Variants in DOCK4 observed in about 807,000 individuals in gnomAD.
DOCK4 encodes the protein dedicator of cytokinesis 4.
DOCK4 carries 97 observed loss-of-function variants against 268.1 expected under a neutral mutation model. The observed-to-expected ratio is 0.36, with a 90% CI of 0.31 to 0.43. DOCK4 has a LOEUF of 0.43. DOCK4 is among the 20% of genes least tolerant of loss of function. The pLI, the probability that DOCK4 is intolerant of heterozygous loss-of-function variation, is 1.00. For missense variants in DOCK4, 2,145 were observed against 2,455.7 expected (o/e 0.87, Z 2.67); for synonymous variants, 954 against 887.2 (o/e 1.08, Z -1.34).
At chr7:112,133,776 A>G (rs1249310414) in intron 1 of DOCK4, among the ~76,000 whole-genome samples, 1 of 152,198 alleles carries the variant, frequency 6.6e-6, no homozygotes, top group East Asian at 1.9e-4. Context: ...GGCTCTTTGG[A>G]TGTACGGTTA....
chr7:111,970,576 T>C (rs1797630608), intron 8 of DOCK4, among the ~76,000 whole-genome samples: 1 of 152,176 alleles, frequency 6.6e-6, no homozygotes, highest in African/African-American at 2.4e-5. Context: ...CCATAAACTT[T>C]CAACCAGATA....
At chr7:112,122,439 C>A (rs1482936335) in intron 1 of DOCK4, among the ~76,000 whole-genome samples, 1 of 151,976 alleles carries the variant, frequency 6.6e-6, no homozygotes, top group Non-Finnish European at 1.5e-5. Flanking sequence ...TCTTCTTCTT[C>A]TTATTTTTAA....
chr7:112,165,560 G>GCGCGCA (rs1817540303), intron 1 of DOCK4, among the ~76,000 whole-genome samples: 1 of 63,144 alleles, frequency 1.6e-5, no homozygotes. Context: ...GTGTGTGTGT[G>GCGCGCA]CGTGTGTGTG....
intron 44 of DOCK4, among the ~76,000 whole-genome samples, chr7:111,744,653 T>C (rs1439490451): frequency 6.6e-6 from 1 of 152,208 alleles, no homozygotes; most frequent in Non-Finnish European, 1.5e-5. Context: ...GAGTGAACCA[T>C]TCATAAGAGG....
rs537415400 is a variant in DOCK4 at position 111,887,843 on chromosome 7, AT to A, written c.1587+7768del. Among the ~76,000 whole-genome samples the A allele has an allele frequency of 4.9e-3, 744 of 151,656 alleles. 10 individuals are homozygous for A. Among genetic ancestry groups the A allele is most frequent in the African/African-American group, 0.017 (710 of 41,204 alleles). ...GAGATGCAGGAGGAAGAGAGAGGAC[AT>A]TGGGAGGGGCAGGGTCCCAGAAGAG... On this transcript the variant is annotated intron_variant, in intron 16 of 52. Coordinates refer to ENST00000428084, the MANE Select transcript of DOCK4 (RefSeq NM_001363540.2).
intron 8 of DOCK4, among the ~76,000 whole-genome samples, chr7:111,975,948 G>A: frequency 6.6e-6 from 1 of 150,956 alleles, no homozygotes; most frequent in Non-Finnish European, 1.5e-5. Flanking sequence ...CGGATCATCT[G>A]AGGTCAGGAG....
Position 111,739,495 on chromosome 7 carries a change from G to A in DOCK4, c.5041-18C>T. On this transcript the variant is annotated intron_variant, in intron 47 of 52. Coordinates refer to ENST00000428084, the MANE Select transcript of DOCK4 (RefSeq NM_001363540.2). ...GGACTTGGCTGGAAACACACAGGGAGCTATTATCATACCCTGATTAAAGGC... is the reference window on the plus strand; with the variant it reads ...GGACTTGGCTGGAAACACACAGGGAACTATTATCATACCCTGATTAAAGGC... The A allele has an allele frequency of 6.4e-7, 1 of 1,553,422 alleles. No homozygotes were observed. Among genetic ancestry groups the A allele is most frequent in the Non-Finnish European group, 8.7e-7 (1 of 1,146,684 alleles).
intron 1 of DOCK4, among the ~76,000 whole-genome samples, chr7:112,064,441 C>CA (rs2135617869): frequency 6.6e-6 from 1 of 152,212 alleles, no homozygotes; most frequent in Non-Finnish European, 1.5e-5. Flanking sequence ...GCCAGGGGAG[C>CA]AAAAAATTTA....
chr7:111,973,795 T>C (rs888783289), intron 8 of DOCK4, among the ~76,000 whole-genome samples: 4 of 152,158 alleles, frequency 2.6e-5, no homozygotes, highest in Non-Finnish European at 4.4e-5. Flanking sequence ...CTTTTGTTGA[T>C]AGTTGTTGAA....
At chr7:111,741,893 TA>T in intron 45 of DOCK4, 119 bp downstream of exon 45, 1 of 1,377,804 alleles carries the variant, frequency 7.3e-7, no homozygotes, top group Non-Finnish European at 9.7e-7. Context: ...GGCTCCCTGG[TA>T]AAACAGTGCA....
intron 1 of DOCK4, among the ~76,000 whole-genome samples, chr7:112,118,374 C>T (rs1812374771): frequency 6.6e-6 from 1 of 152,064 alleles, no homozygotes; most frequent in African/African-American, 2.4e-5. Context: ...AAATGAAAAT[C>T]ATTCAAAAGA....
intron 1 of DOCK4, among the ~76,000 whole-genome samples, chr7:112,134,954 T>C (rs545347051): frequency 2.6e-5 from 4 of 152,206 alleles, no homozygotes; most frequent in African/African-American, 9.6e-5. Context: ...TATTCACCTA[T>C]GATTGCTATA....
chr7:111,919,854 G>A (rs1792953543), intron 12 of DOCK4, among the ~76,000 whole-genome samples: 1 of 152,066 alleles, frequency 6.6e-6, no homozygotes, highest in African/African-American at 2.4e-5. Flanking sequence ...AGTCCACAGG[G>A]ACCAGACCAC....
intron 16 of DOCK4, among the ~76,000 whole-genome samples, chr7:111,879,055 G>A (rs960151547): frequency 2.0e-5 from 3 of 151,956 alleles, no homozygotes; most frequent in Non-Finnish European, 4.4e-5. Context: ...GCAGCTTGCA[G>A]CAACAAAAGT....
At chr7:111,897,254 A>T (rs7787215) in intron 15 of DOCK4, among the ~76,000 whole-genome samples, 75,082 of 151,872 alleles carry the variant, frequency 0.49, 21,139 homozygotes, top group African/African-American at 0.78. Context: ...TCTTATTTGA[A>T]CTACCACTGG....
intron 51 of DOCK4, among the ~76,000 whole-genome samples, chr7:111,733,021 C>G (rs901160045): frequency 6.6e-6 from 1 of 152,250 alleles, no homozygotes; most frequent in African/African-American, 2.4e-5. Context: ...GCAAATCCAG[C>G]TCTCTAAAGC....
intron 10 of DOCK4, among the ~76,000 whole-genome samples, chr7:111,944,123 G>A (rs1379732905): frequency 6.6e-6 from 1 of 152,176 alleles, no homozygotes; most frequent in Non-Finnish European, 1.5e-5. Context: ...GTGTAAAAAT[G>A]AGGGAACACA....
intron 6 of DOCK4, among the ~76,000 whole-genome samples, chr7:111,985,361 T>A (rs1482083009): frequency 6.6e-6 from 1 of 152,156 alleles, no homozygotes; most frequent in East Asian, 1.9e-4. Flanking sequence ...GAATGCTCAG[T>A]TCTCTGAGGA....
intron 30 of DOCK4, among the ~76,000 whole-genome samples, chr7:111,794,782 G>C (rs768554047): frequency 6.6e-6 from 1 of 152,188 alleles, no homozygotes; most frequent in Non-Finnish European, 1.5e-5. Context: ...CTTGCCCGAA[G>C]TCACCCAGCT....
Sources: allele counts gnomAD v4.1 joint callset (sites outside exome capture counted in the v4.1 genomes callset), GRCh38; gene constraint gnomAD v4.1.1; transcripts MANE v1.5; gene names NCBI Gene and HGNC (gene_info 2026-07-23, HGNC 2026-07-21).